The following USP6NL variants were observed in gnomAD, a reference collection of about 807,000 sequenced individuals.
USP6NL encodes the protein USP6 N-terminal like.
USP6NL carries 26 observed loss-of-function variants against 61.9 expected under a neutral mutation model. That is an observed-to-expected ratio of 0.42 (90% CI 0.31 to 0.58). The LOEUF is 0.58. Among genes scored for constraint, USP6NL ranks in the 20% least tolerant of loss-of-function variants. The probability of loss-of-function intolerance (pLI) is 0.16; values close to 1 mark genes in which losing one functional copy is unlikely to be tolerated. For missense variants in USP6NL, 1,114 were observed against 1,034.3 expected (o/e 1.08, Z -1.06); for synonymous variants, 432 against 390.1 (o/e 1.11, Z -1.27).
rs970460449 is a variant in USP6NL, at chr10:11,525,209, A to G, written c.155+177T>C. ...AAATATTAAAAATTATATCTTAAAC[A>G]GTTAAATTTTAATCACAGAGTTGTT... On this transcript the variant is annotated intron_variant, in intron 4 of 14. Coordinates refer to ENST00000609104, the MANE Select transcript of USP6NL (RefSeq NM_014688.5). The surrounding 1 kb of genome is among the most constrained non-coding windows in gnomAD (Gnocchi z 5.0). Among the ~76,000 whole-genome samples the G allele has an allele frequency of 6.6e-6, 1 of 152,218 alleles. No individual in the cohort carries two copies. Among genetic ancestry groups the G allele is most frequent in the Admixed American group, 6.5e-5 (1 of 15,286 alleles).
chr10:11,483,750 C>T (rs1012638649), intron 13 of USP6NL, among the ~76,000 whole-genome samples: 1 of 150,996 alleles, frequency 6.6e-6, no homozygotes, highest in African/African-American at 2.4e-5. Context: ...AGAGATTTCA[C>T]GAGATCAGAT....
chr10:11,572,257 A>C (rs1837391196), intron 2 of USP6NL, among the ~76,000 whole-genome samples: 1 of 152,090 alleles, frequency 6.6e-6, no homozygotes, highest in Non-Finnish European at 1.5e-5. Flanking sequence ...GGAAATAGTA[A>C]AAGCTATTTT....
In USP6NL at chr10:11,585,345, G is replaced by A. The variant is rs1837925605; in HGVS notation, c.4+12286C>T. On this transcript the variant is annotated intron_variant, in intron 2 of 14. Coordinates refer to ENST00000609104, the MANE Select transcript of USP6NL (RefSeq NM_014688.5). This position sits in a 1 kb window ranked among gnomAD's most constrained non-coding sequence, Gnocchi z 4.5. ...GTATGATCCAGCAATTCCACTTCTT[G>A]GTACAGACCCAGAAGAATTGAAAGC... Among the ~76,000 whole-genome samples, 1 of 152,106 alleles carries A rather than the reference G, an allele frequency of 6.6e-6. No homozygotes were observed. The highest frequency in any genetic ancestry group is 2.4e-5 in the African/African-American group (1 of 41,420).
Position 11,585,770 on chromosome 10 carries a change from A to C in USP6NL, c.4+11861T>G, listed in dbSNP as rs1837941061. On this transcript the variant is annotated intron_variant, in intron 2 of 14. Coordinates refer to ENST00000609104, the MANE Select transcript of USP6NL (RefSeq NM_014688.5). This position sits in a 1 kb window ranked among gnomAD's most constrained non-coding sequence, Gnocchi z 4.5. ...AAACAAAATATGGTCTATATATACAAGGGAATATTATTCAGCCTTAAAAAG... is the reference window on the plus strand; with the variant it reads ...AAACAAAATATGGTCTATATATACACGGGAATATTATTCAGCCTTAAAAAG... Among the ~76,000 whole-genome samples the C allele has an allele frequency of 6.6e-6, 1 of 152,220 alleles. No individual in the cohort carries two copies. Among genetic ancestry groups the C allele is most frequent in the Admixed American group, 6.5e-5 (1 of 15,284 alleles).
Position 11,537,203 on chromosome 10 carries a change from C to T in USP6NL, c.5-9636G>A, listed in dbSNP as rs1306027417. Among the ~76,000 whole-genome samples the T allele has an allele frequency of 1.3e-5, 2 of 150,582 alleles. No individual in the cohort carries two copies. Among genetic ancestry groups the T allele is most frequent in the African/African-American group, 2.4e-5 (1 of 41,080 alleles). On this transcript the variant is annotated intron_variant, in intron 2 of 14. Coordinates refer to ENST00000609104, the MANE Select transcript of USP6NL (RefSeq NM_014688.5). The surrounding 1 kb of genome is among the most constrained non-coding windows in gnomAD (Gnocchi z 5.1). ...ACAGTTCACTGCAGCGTCAATCTCC[C>T]AGGTGATCCTCCCACCTCAGCCTCC...
chr10:11,532,159 A>C lies in USP6NL; in HGVS notation c.5-4592T>G, dbSNP rs1300956605. On this transcript the variant is annotated intron_variant, in intron 2 of 14. Transcript: ENST00000609104. The surrounding 1 kb of genome is among the most constrained non-coding windows in gnomAD (Gnocchi z 4.1). ...GAACGTTAAAAATATAAACAACATC[A>C]ATTTTAAAAGTACTTTACCCTTTGT... 6.5e-7 allele frequency: 1 copy of C among 1,531,970 alleles called. No homozygotes were observed. The highest frequency in any genetic ancestry group is 1.4e-5 in the African/African-American group (1 of 72,822). The allele number at this position is 1,531,970 out of a possible 1,614,324, so 94.9% of individuals were successfully genotyped here.
chr10:11,603,109 G>C (rs1396053278), intron 1 of USP6NL, among the ~76,000 whole-genome samples: 1 of 152,192 alleles, frequency 6.6e-6, no homozygotes, highest in East Asian at 1.9e-4. Context: ...TAAGATCAAA[G>C]AATGAGATGG....
Position 11,585,083 on chromosome 10 carries a change from A to C in USP6NL, c.4+12548T>G, listed in dbSNP as rs773495138. Among the ~76,000 whole-genome samples the C allele has an allele frequency of 1.1e-4, 16 of 152,236 alleles. No homozygotes were observed. Among genetic ancestry groups the C allele is most frequent in the Non-Finnish European group, 1.9e-4 (13 of 68,040 alleles). On this transcript the variant is annotated intron_variant, in intron 2 of 14. Coordinates refer to ENST00000609104, the MANE Select transcript of USP6NL (RefSeq NM_014688.5). The surrounding 1 kb of genome is among the most constrained non-coding windows in gnomAD (Gnocchi z 4.5). ...ATTTTTCCATAATCATTTTGGGAGA[A>C]AAGACTGTTTTAGAATGATATGATG...
intron 2 of USP6NL, chr10:11,563,274 C>T: frequency 6.6e-6 from 1 of 152,134 alleles, no homozygotes. Flanking sequence ...TAGGGAAGTG[C>T]AGGGAGGTGT....
At chr10:11,497,269 G>A (rs1047670575) in intron 7 of USP6NL, among the ~76,000 whole-genome samples, 4 of 151,434 alleles carry the variant, frequency 2.6e-5, no homozygotes, top group Admixed American at 1.3e-4. Context: ...AAAATAACCG[G>A]GCATGGTGGC....
At position 11,476,011 on chromosome 10, in the gene USP6NL, A is replaced by G. The variant is rs1273304794; in HGVS notation, c.1078+5759T>C. Among the ~76,000 whole-genome samples the G allele has an allele frequency of 6.6e-6, 1 of 152,188 alleles. No homozygotes were observed. Among genetic ancestry groups the G allele is most frequent in the African/African-American group, 2.4e-5 (1 of 41,446 alleles). The stretch of plus-strand genomic sequence containing the variant: ...AACTCCTGAGTGTGCGACATTCCAC[A>G]GAATAGTGGGACTGTGCTCTTCAGC... On this transcript the variant is annotated intron_variant, in intron 14 of 14. Coordinates refer to ENST00000609104, the MANE Select transcript of USP6NL (RefSeq NM_014688.5). This position sits in a 1 kb window ranked among gnomAD's most constrained non-coding sequence, Gnocchi z 4.3.
chr10:11,545,365 TCTC>T (rs1321866290), intron 2 of USP6NL, among the ~76,000 whole-genome samples: 1 of 152,166 alleles, frequency 6.6e-6, no homozygotes. Flanking sequence ...CTAATACTTC[TCTC>T]CTGTGGCCAA....
intron 1 of USP6NL, among the ~76,000 whole-genome samples, chr10:11,609,527 C>T (rs180848111): frequency 3.0e-3 from 462 of 152,354 alleles, no homozygotes; most frequent in Non-Finnish European, 5.0e-3. Context: ...CTCGTTCTCG[C>T]TACCTCAAGT....
rs1168112234 is a variant in USP6NL, at chr10:11,470,054, C to A, written c.1079-6205G>T. On this transcript the variant is annotated intron_variant, in intron 14 of 14. Coordinates refer to ENST00000609104, the MANE Select transcript of USP6NL (RefSeq NM_014688.5). The surrounding 1 kb of genome is among the most constrained non-coding windows in gnomAD (Gnocchi z 5.4). ...ACGTTTCCAGGGAGGCCCTCAGGCC[C>A]CCGGGGCAGCGCTGTGGAGGTAGTA... Among the ~76,000 whole-genome samples, 1 of 152,152 alleles carries A rather than the reference C, an allele frequency of 6.6e-6. No homozygotes were observed. The highest frequency in any genetic ancestry group is 1.5e-5 in the Non-Finnish European group (1 of 68,038).
chr10:11,472,511 C>T (rs1566116330), intron 14 of USP6NL, among the ~76,000 whole-genome samples: 2 of 152,236 alleles, frequency 1.3e-5, no homozygotes, highest in African/African-American at 4.8e-5. Flanking sequence ...TCTGACTGTT[C>T]TAACAGTTTT....
At chr10:11,500,468 A>G (rs983456371) in intron 7 of USP6NL, among the ~76,000 whole-genome samples, 4 of 152,048 alleles carry the variant, frequency 2.6e-5, no homozygotes, top group Admixed American at 2.0e-4. Context: ...TAAATCTCTT[A>G]CTCCTTTCAA....
rs1834071661 is a variant in USP6NL at position 11,499,204 on chromosome 10, G to A, written c.384+1897C>T. On this transcript the variant is annotated intron_variant, in intron 7 of 14. Coordinates refer to ENST00000609104, the MANE Select transcript of USP6NL (RefSeq NM_014688.5). This position sits in a 1 kb window ranked among gnomAD's most constrained non-coding sequence, Gnocchi z 4.5. ...GAGAGAGAAAGAGTGGATGAGAAAG[G>A]AAAAAAAAGTTGGCTAAATAATGAT... 6.6e-6 allele frequency among the ~76,000 whole-genome samples: 1 copy of A among 151,642 alleles called. No individual in the cohort carries two copies. The highest frequency in any genetic ancestry group is 1.5e-5 in the Non-Finnish European group (1 of 67,892).
At chr10:11,471,385 A>C (rs1566115493) in intron 14 of USP6NL, among the ~76,000 whole-genome samples, 1 of 152,232 alleles carries the variant, frequency 6.6e-6, no homozygotes, top group East Asian at 1.9e-4. Flanking sequence ...GTGGGGCTGT[A>C]AACTAGTTCA....
intron 2 of USP6NL, among the ~76,000 whole-genome samples, chr10:11,567,533 T>C (rs1209191218): frequency 6.6e-6 from 1 of 152,198 alleles, no homozygotes; most frequent in Non-Finnish European, 1.5e-5. Flanking sequence ...AAGGAATAAA[T>C]ATACTGCTTA....
Sources: allele counts gnomAD v4.1 joint callset (sites outside exome capture counted in the v4.1 genomes callset), GRCh38; gene constraint gnomAD v4.1.1; non-coding constraint Gnocchi (gnomAD v3.1); transcripts MANE v1.5; gene names NCBI Gene and HGNC (gene_info 2026-07-23, HGNC 2026-07-21).